The following ZNF484 variants were observed in gnomAD, a reference collection of about 807,000 sequenced individuals.
ZNF484 encodes KRAB box containing C2H2 type zinc finger bA526D8.4.
ZNF484 carries 11 observed loss-of-function variants against 12.9 expected under a neutral mutation model. The observed-to-expected ratio is 0.85, with a 90% CI of 0.54 to 1.41. The LOEUF (loss-of-function observed/expected upper bound fraction) is 1.41. Among genes scored for constraint, ZNF484 ranks in the 40% most tolerant of loss-of-function variants. The pLI is 0.00. For missense variants in ZNF484, 807 were observed against 1,007.7 expected (o/e 0.80, Z 2.70); for synonymous variants, 289 against 334.1 (o/e 0.86, Z 1.47).
intron 2 of ZNF484, among the ~76,000 whole-genome samples, chr9:92,871,477 G>A (rs10115872): frequency 0.42 from 63,065 of 151,830 alleles, 14,047 homozygotes; most frequent in African/African-American, 0.57. Flanking sequence ...GTTCCAGAAA[G>A]AGAAAAAGAA....
At chr9:92,854,363 T>G (rs542263837) in intron 4 of ZNF484, among the ~76,000 whole-genome samples, 2 of 152,260 alleles carry the variant, frequency 1.3e-5, no homozygotes, top group Non-Finnish European at 2.9e-5. Context: ...TGCTTATACC[T>G]CATCATATTC....
intron 4 of ZNF484, among the ~76,000 whole-genome samples, chr9:92,849,351 CATAA>C (rs1356236077): frequency 1.3e-5 from 2 of 151,324 alleles, no homozygotes; most frequent in African/African-American, 2.4e-5. Flanking sequence ...TTTAAATATA[CATAA>C]ATATATAGGT....
In ZNF484 at chr9:92,845,974, T is replaced by G; in HGVS notation, c.*254A>C. 1 of 476,098 alleles carries G rather than the reference T, an allele frequency of 2.1e-6. No individual in the cohort carries two copies. Among genetic ancestry groups the G allele is most frequent in the Non-Finnish European group, 3.7e-6 (1 of 269,062 alleles). The allele number at this position is 476,098 out of a possible 1,614,324, so 29.5% of individuals were successfully genotyped here. A position where few individuals can be genotyped will look rare whatever the true frequency, so the allele number is the denominator to read the frequency against. On this transcript the variant is annotated 3_prime_UTR_variant, in exon 5 of 5. Coordinates refer to ENST00000375495, the MANE Select transcript of ZNF484 (RefSeq NM_031486.4). The surrounding 1 kb of genome is among the most constrained non-coding windows in gnomAD (Gnocchi z 4.0). ...CTCATTATGAATTTTTGCGGGTCAA[T>G]ATTGAATAGTTGTGGTACCCAGAAC...
At chr9:92,855,719 C>T in intron 4 of ZNF484, 92 bp downstream of exon 4, 1 of 1,094,322 alleles carries the variant, frequency 9.1e-7, no homozygotes, top group Non-Finnish European at 1.4e-6. Context: ...TTATTAATGA[C>T]ACATCAAAGT....
At chr9:92,866,745 T>C (rs1358126953) in intron 2 of ZNF484, among the ~76,000 whole-genome samples, 1 of 152,102 alleles carries the variant, frequency 6.6e-6, no homozygotes, top group East Asian at 1.9e-4. Flanking sequence ...CCAACCCAAA[T>C]GCCCAGCAAT....
In ZNF484 at chr9:92,856,292, A is replaced by G; in HGVS notation, c.42T>C (p.Thr14=). ...SLESVSFKDV[T]VDFSRDEWQQ... ...GCCACTCATCCCTACTGAAGTCTAC[A>G]GTTACGTCCTTGAATGACACTGATT... The change falls in exon 3 of 5, where the codon ACT becomes ACC. Residue 14 remains threonine (T), a synonymous_variant. Transcript: ENST00000375495. 1 of 1,607,108 alleles carries G rather than the reference A, an allele frequency of 6.2e-7. No homozygotes were observed. Among genetic ancestry groups the G allele is most frequent in the Non-Finnish European group, 8.5e-7 (1 of 1,176,384 alleles).
At chr9:92,856,028 A>G (rs530028477) in intron 3 of ZNF484, 125 bp from the exon 4 acceptor site, 8 of 1,392,476 alleles carry the variant, frequency 5.7e-6, no homozygotes, top group Admixed American at 2.0e-5. Flanking sequence ...GATTATTAAG[A>G]ACATGGGACA....
chr9:92,845,322 AAAAC>A lies in ZNF484; in HGVS notation c.*902_*905del, dbSNP rs1855520103. 1 of 152,220 alleles carries A rather than the reference AAAAC, an allele frequency of 6.6e-6. No individual in the cohort carries two copies. Among genetic ancestry groups the A allele is most frequent in the South Asian group, 2.1e-4 (1 of 4,834 alleles). The allele number at this position is 152,220 out of a possible 1,614,324, so 9.4% of individuals were successfully genotyped here. A position where few individuals can be genotyped will look rare whatever the true frequency, so the allele number is the denominator to read the frequency against. ...GTCTATTCAAATACAGAGAATTTGAAAAACAAAATTAATTAAGATTAGTTTGTAG... is the reference window on the plus strand; with the variant it reads ...GTCTATTCAAATACAGAGAATTTGAAAAAATTAATTAAGATTAGTTTGTAG... On this transcript the variant is annotated 3_prime_UTR_variant, in exon 5 of 5. Coordinates refer to ENST00000375495, the MANE Select transcript of ZNF484 (RefSeq NM_031486.4). This position sits in a 1 kb window ranked among gnomAD's most constrained non-coding sequence, Gnocchi z 4.0.
At position 92,848,216 on chromosome 9, in the gene ZNF484, AG is replaced by A; in HGVS notation, c.570del (p.Leu191TyrfsTer24). 6.2e-7 allele frequency: 1 copy of A among 1,614,104 alleles called. No homozygotes were observed. The highest frequency in any genetic ancestry group is 8.5e-7 in the Non-Finnish European group (1 of 1,179,978). On this transcript the variant is annotated frameshift_variant, in exon 5 of 5. Coordinates refer to ENST00000375495, the MANE Select transcript of ZNF484 (RefSeq NM_031486.4). LOFTEE classifies it low-confidence loss of function (END_TRUNC). The surrounding 1 kb of genome is among the most constrained non-coding windows in gnomAD (Gnocchi z 4.1). ...TCTGTTGCATTGTTTCTATTATATA[AG>A]GTTATGATAGGCTCCAAATTCTTTC... The part of the protein sequence containing the change: ...SCGKNLEPII[T>X]LYNRNNATEN...
At chr9:92,855,235 G>A (rs1290722615) in intron 4 of ZNF484, among the ~76,000 whole-genome samples, 2 of 152,168 alleles carry the variant, frequency 1.3e-5, no homozygotes, top group Non-Finnish European at 2.9e-5. Flanking sequence ...AGTCAGTGTT[G>A]CGTTGCACTA....
intron 2 of ZNF484, among the ~76,000 whole-genome samples, chr9:92,857,659 C>T (rs1425466143): frequency 6.6e-6 from 1 of 152,168 alleles, no homozygotes; most frequent in Non-Finnish European, 1.5e-5. Flanking sequence ...AGCTTCAACC[C>T]GGCCTTATTT....
At position 92,855,796 on chromosome 9, in the gene ZNF484, T is replaced by G; in HGVS notation, c.235+15A>C. On this transcript the variant is annotated intron_variant, in intron 4 of 4. Transcript: ENST00000375495. ...TGAGTCATACTGTCTACCATGCTCTTGGTTCCCTTCTCACCTGGACGGCTC... is the reference window on the plus strand; with the variant it reads ...TGAGTCATACTGTCTACCATGCTCTGGGTTCCCTTCTCACCTGGACGGCTC... 9 of 1,612,862 alleles carry G rather than the reference T, an allele frequency of 5.6e-6. No homozygotes were observed. Among genetic ancestry groups the G allele is most frequent in the Non-Finnish European group, 7.6e-6 (9 of 1,179,064 alleles).
chr9:92,869,306 G>GTTT (rs1857292118), intron 2 of ZNF484, among the ~76,000 whole-genome samples: 2 of 152,110 alleles, frequency 1.3e-5, no homozygotes, highest in East Asian at 3.8e-4. Context: ...GATTAAGCCA[G>GTTT]ACACTTATAA....
rs907690736 is a variant in ZNF484, at chr9:92,878,005, G to A, written c.-146C>T. The A allele has an allele frequency of 7.8e-6, 6 of 773,198 alleles. No individual in the cohort carries two copies. The Admixed American group carries it at 8.2e-5, about 11-fold the overall frequency. The allele number at this position is 773,198 out of a possible 1,614,324, so 47.9% of individuals were successfully genotyped here. On this transcript the variant is annotated 5_prime_UTR_variant, in exon 1 of 5. Coordinates refer to ENST00000375495, the MANE Select transcript of ZNF484 (RefSeq NM_031486.4). The stretch of plus-strand genomic sequence containing the variant: ...TTTCTCAATGCCTCCCAGGCCTAGA[G>A]GTACTTCTTACAGCGCTGCCTGGGT...
intron 1 of ZNF484, among the ~76,000 whole-genome samples, chr9:92,876,506 C>T (rs1237538814): frequency 1.3e-5 from 2 of 151,924 alleles, no homozygotes; most frequent in Non-Finnish European, 2.9e-5. Flanking sequence ...CAAAATAAAG[C>T]TCTGGGCAAA....
At chr9:92,863,535 G>A (rs887796395) in intron 2 of ZNF484, among the ~76,000 whole-genome samples, 1 of 152,180 alleles carries the variant, frequency 6.6e-6, no homozygotes, top group Non-Finnish European at 1.5e-5. Context: ...CTTAGTTAGG[G>A]AGAAAATATT....
intron 2 of ZNF484, among the ~76,000 whole-genome samples, chr9:92,857,225 G>A (rs149119056): frequency 6.6e-6 from 1 of 152,284 alleles, no homozygotes; most frequent in East Asian, 1.9e-4. Context: ...AAATATAGGG[G>A]CTAAGACTGG....
chr9:92,846,348 T>C lies in ZNF484; in HGVS notation c.2439A>G (p.Leu813=), dbSNP rs1564094563. 6.2e-7 allele frequency: 1 copy of C among 1,614,064 alleles called. No homozygotes were observed. Among genetic ancestry groups the C allele is most frequent in the Non-Finnish European group, 8.5e-7 (1 of 1,180,000 alleles). Residue 813 remains leucine, a synonymous_variant, in exon 5 of 5, where the codon TTA becomes TTG. Transcript: ENST00000375495. ...GCATACTGAGTTGTGGCTTCCAGTT[T>C]AAGGCTTTCCCCAAGTCACTGCACT... The part of the protein sequence containing the change: ...PYKCSDLGKA[L]NWKPQLSMPQ...
chr9:92,869,459 C>T (rs1421699917), intron 2 of ZNF484, among the ~76,000 whole-genome samples: 3 of 152,192 alleles, frequency 2.0e-5, no homozygotes, highest in South Asian at 2.1e-4. Context: ...CAGTGGCTCA[C>T]GCCTATAATT....
Sources: allele counts gnomAD v4.1 joint callset (sites outside exome capture counted in the v4.1 genomes callset), GRCh38; gene constraint gnomAD v4.1.1; non-coding constraint Gnocchi (gnomAD v3.1); transcripts MANE v1.5; gene names NCBI Gene and HGNC (gene_info 2026-07-23, HGNC 2026-07-21).